SELENOI: variants seen among roughly 807,000 people sequenced by gnomAD.
SELENOI encodes ethanolaminephosphotransferase 1.
In SELENOI, 24 loss-of-function variants were observed where a neutral mutation model predicts 50.7. That is an observed-to-expected ratio of 0.47 (90% confidence interval 0.34 to 0.67). SELENOI has a LOEUF of 0.67. Ranked by LOEUF, SELENOI falls within the 30% of genes least tolerant of loss-of-function variation. The pLI is 0.01. For missense variants in SELENOI, 352 were observed against 461.4 expected, an observed-to-expected ratio of 0.76 and a Z score of 2.17; for synonymous variants, 155 against 170.2, an observed-to-expected ratio of 0.91 and a Z score of 0.70.
intron 1 of SELENOI, among the ~76,000 whole-genome samples, chr2:26,359,035 C>T (rs191044340): frequency 4.6e-4 from 70 of 152,212 alleles, no homozygotes; most frequent in African/African-American, 1.7e-3. Flanking sequence ...AAACTGAAGC[C>T]CCCAGTCTGC....
chr2:26,368,644 C>A (rs938899310), intron 4 of SELENOI, among the ~76,000 whole-genome samples: 1 of 152,046 alleles, frequency 6.6e-6, no homozygotes, highest in Non-Finnish European at 1.5e-5. Flanking sequence ...ATGATATATG[C>A]CCTGAATTAC....
chr2:26,392,329 G>A lies in SELENOI; in HGVS notation c.*3226G>A, dbSNP rs1677989046. On this transcript the variant is annotated 3_prime_UTR_variant, in exon 10 of 10. Coordinates refer to ENST00000260585, the MANE Select transcript of SELENOI (RefSeq NM_033505.4). ...AAGTTTCCTAAGTGTTGTTTTCAAA[G>A]AACTGGTTTATTTTATAGTCAGTCA... is the stretch of plus-strand genomic sequence containing the variant. The A allele has an allele frequency of 2.0e-5, 3 of 152,178 alleles. No homozygotes were observed. The highest frequency in any genetic ancestry group is 7.2e-5 in the African/African-American group (3 of 41,452). The allele number at this position is 152,178 out of a possible 1,614,324, so 9.4% of individuals were successfully genotyped here.
In SELENOI at chr2:26,388,885, G is replaced by A. The variant is rs996032256; in HGVS notation, c.1096-120G>A. The A allele has an allele frequency of 2.3e-5, 17 of 750,478 alleles. No homozygotes were observed. The African/African-American group carries it at 2.6e-4, about 12-fold the overall frequency. 46.5% of individuals were successfully genotyped at this position (750,478 alleles called of 1,614,324 possible). ...ATCCTAATCCAGAAAAACCTTTTCA[G>A]TATTTCTCATGATTTTTGCCGTGTC... On this transcript the variant is annotated intron_variant, in intron 9 of 9. Coordinates refer to ENST00000260585, the MANE Select transcript of SELENOI (RefSeq NM_033505.4).
At chr2:26,366,411 C>A (rs1193177585) in intron 3 of SELENOI, among the ~76,000 whole-genome samples, 1 of 152,030 alleles carries the variant, frequency 6.6e-6, no homozygotes, top group Non-Finnish European at 1.5e-5. Flanking sequence ...TTTGACAACT[C>A]TAAATAAGAT....
At chr2:26,377,166 C>T (rs768406254) in intron 6 of SELENOI, among the ~76,000 whole-genome samples, 76 of 152,200 alleles carry the variant, frequency 5.0e-4, no homozygotes, top group Non-Finnish European at 8.2e-4. Flanking sequence ...ACAGGTTTGC[C>T]TGATACTGTC....
chr2:26,372,203 C>T (rs552675161), intron 4 of SELENOI, among the ~76,000 whole-genome samples: 3 of 152,306 alleles, frequency 2.0e-5, no homozygotes, highest in African/African-American at 7.2e-5. Context: ...ACCTCCGCCT[C>T]CTGGGTTCAA....
intron 1 of SELENOI, among the ~76,000 whole-genome samples, chr2:26,348,481 A>C (rs779270273): frequency 2.6e-5 from 4 of 152,200 alleles, no homozygotes; most frequent in Non-Finnish European, 5.9e-5. Context: ...GCACACGGGG[A>C]GTGGAAATTA....
At chr2:26,374,573 T>TG (rs1677526369) in intron 5 of SELENOI, among the ~76,000 whole-genome samples, 1 of 151,598 alleles carries the variant, frequency 6.6e-6, no homozygotes. Flanking sequence ...TGTATTTTTT[T>TG]TTTTTTTTTT....
At chr2:26,348,932 A>G (rs1178255006) in intron 1 of SELENOI, among the ~76,000 whole-genome samples, 2 of 150,238 alleles carry the variant, frequency 1.3e-5, no homozygotes, top group Non-Finnish European at 3.0e-5. Flanking sequence ...AGGTAACTTC[A>G]GAGAATTATA....
intron 6 of SELENOI, among the ~76,000 whole-genome samples, chr2:26,380,816 A>G (rs1307548390): frequency 6.6e-6 from 1 of 152,146 alleles, no homozygotes; most frequent in African/African-American, 2.4e-5. Context: ...ACTTTTTGCC[A>G]ATCTGATAGG....
chr2:26,379,949 G>A (rs1209563811), intron 6 of SELENOI, among the ~76,000 whole-genome samples: 1 of 152,100 alleles, frequency 6.6e-6, no homozygotes, highest in East Asian at 1.9e-4. Context: ...GCAAACAGAG[G>A]AAAACTGAAA....
At position 26,364,882 on chromosome 2, in the gene SELENOI, G is replaced by T; in HGVS notation, c.177G>T (p.Leu59=). ...ATCTGATAACTTTTTCTGGCTTTCTGCTGGTCGTATTCAATTTTCTGCTAA... is the reference window on the plus strand; with the variant it reads ...ATCTGATAACTTTTTCTGGCTTTCTTCTGGTCGTATTCAATTTTCTGCTAA... ...APNLITFSGF[L]LVVFNFLLMA... is the part of the protein sequence containing the mutation. The change falls in exon 3 of 10, where the codon CTG becomes CTT. Residue 59 remains leucine, a synonymous_variant. Coordinates refer to ENST00000260585, the MANE Select transcript of SELENOI (RefSeq NM_033505.4). 6.2e-7 allele frequency: 1 copy of T among 1,610,454 alleles called. No homozygotes were observed. Among genetic ancestry groups the T allele is most frequent in the East Asian group, 2.2e-5 (1 of 44,568 alleles).
rs1171817449 is a variant in SELENOI, at chr2:26,367,219, A to G, written c.309A>G (p.Leu103=). Residue 103 remains leucine (L), a splice_region_variant and synonymous_variant, in exon 4 of 10, where the codon CTA becomes CTG. Transcript: ENST00000260585. ...VGILNFVAYT[L]DGVDGKQARR... ...TCCTCAACTTCGTAGCCTACACTCTAGGTAAGGAATTGGTAAATACTTACT... is the reference window on the plus strand; with the variant it reads ...TCCTCAACTTCGTAGCCTACACTCTGGGTAAGGAATTGGTAAATACTTACT... 1 of 1,605,252 alleles carries G rather than the reference A, an allele frequency of 6.2e-7. No homozygotes were observed. Among genetic ancestry groups the G allele is most frequent in the Non-Finnish European group, 8.5e-7 (1 of 1,175,424 alleles).
At chr2:26,348,823 A>G (rs1005640842) in intron 1 of SELENOI, among the ~76,000 whole-genome samples, 2 of 152,140 alleles carry the variant, frequency 1.3e-5, no homozygotes, top group South Asian at 2.1e-4. Flanking sequence ...TTAAAAAAAA[A>G]AAAGGAGCTC....
intron 6 of SELENOI, among the ~76,000 whole-genome samples, chr2:26,376,933 G>A (rs1193756440): frequency 6.6e-6 from 1 of 152,110 alleles, no homozygotes; most frequent in Non-Finnish European, 1.5e-5. Context: ...TTGCTTTCAA[G>A]GTTCTCTTTT....
chr2:26,384,356 G>A (rs1474898880), intron 7 of SELENOI, among the ~76,000 whole-genome samples: 1 of 152,112 alleles, frequency 6.6e-6, no homozygotes, highest in Non-Finnish European at 1.5e-5. Flanking sequence ...TTATAACAAC[G>A]AGGCTCTCAT....
chr2:26,381,312 C>T (rs373643949), intron 6 of SELENOI, among the ~76,000 whole-genome samples: 4 of 140,324 alleles, frequency 2.9e-5, no homozygotes, highest in Non-Finnish European at 4.5e-5. Flanking sequence ...AGATGAAAAG[C>T]GGGTCTACAT....
At chr2:26,375,242 C>A in intron 6 of SELENOI, 94 bp downstream of exon 6, 1 of 720,622 alleles carries the variant, frequency 1.4e-6, no homozygotes, top group South Asian at 1.9e-5. Flanking sequence ...CCCTTTGCCT[C>A]ACAAAACCTC....
rs756077714 is a variant in SELENOI at position 26,367,146 on chromosome 2, C to T, written c.236C>T (p.Ala79Val). The T allele has an allele frequency of 5.6e-6, 9 of 1,608,056 alleles. No individual in the cohort carries two copies. The highest frequency in any genetic ancestry group is 2.7e-5 in the African/African-American group (2 of 74,886). ...AYFDPDFYAS[A>V]PGHKHVPDWV... ...AAATCTTAGTTGCTTTCCTTTTCAG[C>T]ACCAGGTCACAAGCACGTGCCTGAC... Residue 79 changes from alanine to valine, a missense_variant and splice_region_variant, in exon 4 of 10, where the codon GCA becomes GTA. By Grantham distance (64) the Ala-to-Val change is moderately conservative. Transcript: ENST00000260585.
Sources: gnomAD v4.1 joint callset for allele counts (sites outside exome capture counted in the v4.1 genomes callset) on GRCh38, gnomAD v4.1.1 for gene constraint, MANE v1.5 for transcripts, NCBI Gene and HGNC (gene_info 2026-07-23, HGNC 2026-07-21) for gene names.